Variants in PASK observed in about 807,000 individuals in gnomAD.
PASK encodes PAS domain containing serine/threonine kinase.
In PASK, 110 loss-of-function variants were observed where a neutral mutation model predicts 121.0. That is an observed-to-expected ratio of 0.91 (90% CI 0.78 to 1.06). PASK has a LOEUF of 1.06. PASK is among the 50% of genes least tolerant of loss of function. The pLI, the probability that PASK is intolerant of heterozygous loss-of-function variation, is 0.00. For missense variants in PASK, 1,643 were observed against 1,702.3 expected, an observed-to-expected ratio of 0.97 and a Z score of 0.61; for synonymous variants, 686 against 717.8, an observed-to-expected ratio of 0.96 and a Z score of 0.71.
intron 10 of PASK, among the ~76,000 whole-genome samples, chr2:241,125,745 C>T (rs962100580): frequency 2.0e-5 from 3 of 152,132 alleles, no homozygotes; most frequent in African/African-American, 7.2e-5. Flanking sequence ...GCCTAAACAC[C>T]AAAAGCACGG....
intron 12 of PASK, among the ~76,000 whole-genome samples, chr2:241,122,190 A>T (rs2065641592): frequency 6.6e-6 from 1 of 152,186 alleles, no homozygotes; most frequent in Admixed American, 6.5e-5. Flanking sequence ...CTAAGATACC[A>T]CCTTAGGAAA....
intron 9 of PASK, among the ~76,000 whole-genome samples, chr2:241,131,852 G>A (rs891161127): frequency 2.6e-5 from 4 of 152,008 alleles, no homozygotes; most frequent in Non-Finnish European, 4.4e-5. Context: ...TCAAGGGATC[G>A]AGACCAGTCT....
intron 12 of PASK, among the ~76,000 whole-genome samples, chr2:241,119,346 G>A (rs938956592): frequency 1.3e-5 from 2 of 152,140 alleles, no homozygotes; most frequent in Non-Finnish European, 2.9e-5. Flanking sequence ...CCCCTGGGAC[G>A]TTGGCCTTGG....
chr2:241,147,770 G>A (rs2067027987), intron 1 of PASK, among the ~76,000 whole-genome samples: 1 of 152,176 alleles, frequency 6.6e-6, no homozygotes, highest in Admixed American at 6.5e-5. Context: ...GTCCTTCATG[G>A]GAGAAAGTAA....
At position 241,140,626 on chromosome 2, in the gene PASK, G is replaced by A. The variant is rs2125452470; in HGVS notation, c.324C>T (p.Cys108=). ...PSEPRGSVSC[C]SLLRGLSSGW... ...CTGAGGACAGTCCCCGCAGCAGGGA[G>A]CAGCAGGACACACTGCCCCGCGGTT... The change falls in exon 3 of 18, where the codon TGC becomes TGT. Residue 108 remains cysteine (C), a synonymous_variant. Coordinates refer to ENST00000234040, the MANE Select transcript of PASK (RefSeq NM_015148.4). The A allele has an allele frequency of 6.2e-7, 1 of 1,614,182 alleles. No individual in the cohort carries two copies. Among genetic ancestry groups the A allele is most frequent in the East Asian group, 2.2e-5 (1 of 44,884 alleles).
chr2:241,132,459 A>G (rs1005909356), intron 9 of PASK, among the ~76,000 whole-genome samples: 10 of 128,616 alleles, frequency 7.8e-5, no homozygotes, highest in African/African-American at 2.1e-4. Context: ...GGAGCTTGCA[A>G]TGCAATGAGC....
chr2:241,148,802 C>T (rs1419582852), intron 1 of PASK, among the ~76,000 whole-genome samples: 1 of 152,098 alleles, frequency 6.6e-6, no homozygotes, highest in East Asian at 1.9e-4. Flanking sequence ...GAGAGGGAAC[C>T]CCTAAGAGAA....
Position 241,112,495 on chromosome 2 carries a change from C to A in PASK, c.3334-56G>T. Reference sequence around the variant, plus strand: ...AAAAAAGCAATTCAACTAAAATATGCATTTAAAATAAACTGGAACAAAAAA... The same window carrying A: ...AAAAAAGCAATTCAACTAAAATATGAATTTAAAATAAACTGGAACAAAAAA... On this transcript the variant is annotated intron_variant, in intron 14 of 17. Transcript: ENST00000234040. The surrounding 1 kb of genome is among the most constrained non-coding windows in gnomAD (Gnocchi z 5.2). 4 of 1,091,784 alleles carry A rather than the reference C, an allele frequency of 3.7e-6. No individual in the cohort carries two copies. The highest frequency in any genetic ancestry group is 5.4e-6 in the Non-Finnish European group (4 of 739,498). 67.6% of individuals were successfully genotyped at this position (1,091,784 alleles called of 1,614,324 possible).
At chr2:241,117,181 A>G (rs956217474) in intron 12 of PASK, among the ~76,000 whole-genome samples, 1 of 152,128 alleles carries the variant, frequency 6.6e-6, no homozygotes, top group African/African-American at 2.4e-5. Flanking sequence ...CAGGCCTCTC[A>G]CCGTCATCAG....
intron 10 of PASK, among the ~76,000 whole-genome samples, chr2:241,125,858 G>T (rs565624012): frequency 2.0e-5 from 3 of 152,054 alleles, no homozygotes; most frequent in African/African-American, 7.2e-5. Context: ...AGACTCTAGC[G>T]TGACACCCCC....
chr2:241,110,829 G>A (rs1207942563), intron 15 of PASK, among the ~76,000 whole-genome samples: 1 of 152,220 alleles, frequency 6.6e-6, no homozygotes, highest in Non-Finnish European at 1.5e-5. Flanking sequence ...AACCAAACTA[G>A]ATCTGAAGGG....
rs527596987 is a variant in PASK, at chr2:241,118,344, T to C, written c.3073-2931A>G. Among the ~76,000 whole-genome samples, 3 of 152,258 alleles carry C rather than the reference T, an allele frequency of 2.0e-5. No individual in the cohort carries two copies. The South Asian group carries it at 6.2e-4, about 32-fold the overall frequency. The stretch of plus-strand genomic sequence containing the variant: ...ACACTTAAGATAGAAAGACAGACTA[T>C]AGATCAATGGAATAGAATTCAGAGT... On this transcript the variant is annotated intron_variant, in intron 12 of 17. Transcript: ENST00000234040.
intron 14 of PASK, chr2:241,114,134 G>A: frequency 1.0e-6 from 1 of 985,306 alleles, no homozygotes. Flanking sequence ...TCAGAAACAA[G>A]TGTTGGCCAC....
chr2:241,127,291 G>A lies in PASK; in HGVS notation c.1624C>T (p.Pro542Ser). 6.2e-7 allele frequency: 1 copy of A among 1,614,230 alleles called. No individual in the cohort carries two copies. Among genetic ancestry groups the A allele is most frequent in the Non-Finnish European group, 8.5e-7 (1 of 1,180,034 alleles). ...ESRSEPVDVK[P>S]FASCEDSEAP... The stretch of plus-strand genomic sequence containing the variant: ...TCAGAATCTTCGCAGGAAGCAAATG[G>A]CTTCACATCCACTGGTTCAGACCTG... Residue 542 changes from proline to serine, a missense_variant, in exon 10 of 18, where the codon CCA becomes TCA. By Grantham distance (74) the Pro-to-Ser change is moderately conservative. Around this residue, in one of 3 missense-constraint regions of PASK, gnomAD observed 1,176 missense variants for 1,162.2 expected, o/e 1.01. Coordinates refer to ENST00000234040, the MANE Select transcript of PASK (RefSeq NM_015148.4).
intron 8 of PASK, among the ~76,000 whole-genome samples, chr2:241,135,623 T>C (rs2066375819): frequency 6.6e-6 from 1 of 152,102 alleles, no homozygotes; most frequent in African/African-American, 2.4e-5. Context: ...TCATGGGCAC[T>C]GGTGATGCAC....
intron 7 of PASK, among the ~76,000 whole-genome samples, chr2:241,136,484 C>T (rs374834610): frequency 6.6e-6 from 1 of 152,078 alleles, no homozygotes; most frequent in Non-Finnish European, 1.5e-5. Context: ...TGTGTGTGGC[C>T]CCCTCACCGG....
At position 241,121,641 on chromosome 2, in the gene PASK, T is replaced by C. The variant is rs902119716; in HGVS notation, c.3072+1091A>G. 4.6e-5 allele frequency among the ~76,000 whole-genome samples: 7 copies of C among 152,292 alleles called. No individual in the cohort carries two copies. In the South Asian group the frequency reaches 8.3e-4, roughly 18 times the overall value. On this transcript the variant is annotated intron_variant, in intron 12 of 17. Transcript: ENST00000234040. ...TGCCTACAGAAGACCATTTTAAATA[T>C]AGACATAAATGACTAAAAGTAAAAG...
At chr2:241,147,321 C>T (rs944357820) in intron 1 of PASK, among the ~76,000 whole-genome samples, 17 of 152,142 alleles carry the variant, frequency 1.1e-4, no homozygotes, top group Non-Finnish European at 2.4e-4. Context: ...AAATATAACT[C>T]TTCAGACTGC....
chr2:241,113,962 A>AT (rs1185626238), intron 14 of PASK: 1 of 983,174 alleles, frequency 1.0e-6, no homozygotes, highest in East Asian at 1.1e-4. Context: ...ATGTCTATAT[A>AT]TTTACAAAAG....
Sources: gnomAD v4.1 joint callset for allele counts (sites outside exome capture counted in the v4.1 genomes callset) on GRCh38, gnomAD v4.1.1 for gene constraint, gnomAD v4.1.1 regional missense constraint, Gnocchi (gnomAD v3.1) non-coding constraint, MANE v1.5 for transcripts, NCBI Gene and HGNC (gene_info 2026-07-23, HGNC 2026-07-21) for gene names.